Variants in SORCS2 observed in about 807,000 individuals in gnomAD.
SORCS2 encodes sortilin related VPS10 domain containing receptor 2, also known as VPS10 domain-containing receptor SorCS2.
SORCS2 carries 100 observed loss-of-function variants against 141.6 expected under a neutral mutation model. The observed-to-expected ratio is 0.71, with a 90% confidence interval of 0.60 to 0.83. The LOEUF (loss-of-function observed/expected upper bound fraction) is 0.83, where lower values mean the gene tolerates loss of function less well. SORCS2 is among the 40% of genes least tolerant of loss of function. The probability of loss-of-function intolerance (pLI) is 0.00; values close to 1 mark genes in which losing one functional copy is unlikely to be tolerated. For synonymous variants in SORCS2, 789 were observed against 676.9 expected (o/e 1.17, Z -2.57); for missense variants, 1,646 against 1,560.2 (o/e 1.05, Z -0.93).
chr4:7,555,866 G>T (rs1714066690), intron 3 of SORCS2, among the ~76,000 whole-genome samples: 1 of 152,234 alleles, frequency 6.6e-6, no homozygotes, highest in Non-Finnish European at 1.5e-5. Flanking sequence ...GTGACAGCAG[G>T]TGGCAGAGGC....
At chr4:7,432,434 A>G (rs1394225683) in intron 2 of SORCS2, 2 of 151,794 alleles carry the variant, frequency 1.3e-5, no homozygotes, top group Admixed American at 6.6e-5. Context: ...GGCAGGTATG[A>G]TCATCCCCAT....
chr4:7,435,207 T>C (rs1727220021), intron 2 of SORCS2, among the ~76,000 whole-genome samples: 1 of 151,988 alleles, frequency 6.6e-6, no homozygotes, highest in South Asian at 2.1e-4. Context: ...CCTGCTGCAG[T>C]AGTTCCTGGG....
chr4:7,497,426 C>A (rs1397820230), intron 2 of SORCS2, among the ~76,000 whole-genome samples: 1 of 150,808 alleles, frequency 6.6e-6, no homozygotes, highest in Non-Finnish European at 1.5e-5. Flanking sequence ...AAACCCACAC[C>A]CAGTGAAGGG....
intron 3 of SORCS2, among the ~76,000 whole-genome samples, chr4:7,558,297 C>T (rs1233814468): frequency 6.6e-6 from 1 of 152,174 alleles, no homozygotes; most frequent in Non-Finnish European, 1.5e-5. Context: ...ACAGAGCTGT[C>T]CTATGCATCG....
intron 3 of SORCS2, among the ~76,000 whole-genome samples, chr4:7,552,667 G>A (rs181771698): frequency 6.2e-4 from 95 of 152,304 alleles, no homozygotes; most frequent in African/African-American, 2.0e-3. Context: ...TGCCATGGCC[G>A]TGGCTGCCCT....
Position 7,192,850 on chromosome 4 carries a change from G to T in SORCS2, c.204G>T (p.Pro68=). ...CTCACGCCCAACTGACCCGGGTGCC[G>T]CGGAGCCCTCCCGCGGGGCGCGCGG... is the stretch of plus-strand genomic sequence containing the variant. The part of the protein sequence containing the change: ...LGPHAQLTRV[P]RSPPAGRAEP... The change falls in exon 1 of 27, where the codon CCG becomes CCT. Residue 68 remains proline, a synonymous_variant. Coordinates refer to ENST00000507866, the MANE Select transcript of SORCS2 (RefSeq NM_020777.3). This position sits in a 1 kb window ranked among gnomAD's most constrained non-coding sequence, Gnocchi z 4.0. 3 of 1,049,526 alleles carry T rather than the reference G, an allele frequency of 2.9e-6. No homozygotes were observed. The highest frequency in any genetic ancestry group is 3.4e-6 in the Non-Finnish European group (3 of 873,558). 65.0% of individuals were successfully genotyped at this position (1,049,526 alleles called of 1,614,324 possible).
chr4:7,386,244 G>A (rs10937812), intron 1 of SORCS2, among the ~76,000 whole-genome samples: 20,869 of 23,510 alleles, frequency 0.89, 9,422 homozygotes, highest in East Asian at 0.97. Context: ...ACATGCACAC[G>A]TGCACACACA....
chr4:7,609,344 T>C (rs1434271804), intron 3 of SORCS2, among the ~76,000 whole-genome samples: 2 of 152,208 alleles, frequency 1.3e-5, no homozygotes, highest in East Asian at 3.9e-4. Flanking sequence ...GCACCGTTTC[T>C]CTTCCTCATA....
intron 1 of SORCS2, among the ~76,000 whole-genome samples, chr4:7,310,934 A>G (rs1718142552): frequency 6.6e-6 from 1 of 152,244 alleles, no homozygotes; most frequent in African/African-American, 2.4e-5. Flanking sequence ...TTATTGAGGT[A>G]TAATAGAGAT....
intron 19 of SORCS2, among the ~76,000 whole-genome samples, chr4:7,724,166 G>GTGA (rs1553808183): frequency 2.0e-5 from 3 of 147,358 alleles, no homozygotes; most frequent in Non-Finnish European, 3.0e-5. Flanking sequence ...GGTGGTGATG[G>GTGA]TGGTGATGGT....
chr4:7,643,820 G>T (rs1399455045), intron 4 of SORCS2, among the ~76,000 whole-genome samples: 1 of 152,164 alleles, frequency 6.6e-6, no homozygotes, highest in Non-Finnish European at 1.5e-5. Flanking sequence ...GTTGGCTGCT[G>T]TGAATATCAG....
intron 19 of SORCS2, among the ~76,000 whole-genome samples, chr4:7,724,542 ATAG>A (rs1441731889): frequency 4.9e-5 from 5 of 102,014 alleles, no homozygotes; most frequent in African/African-American, 1.1e-4. Context: ...GGTGATGGTG[ATAG>A]TAGTGGTGGG....
At chr4:7,677,903 G>C (rs1723269828) in intron 9 of SORCS2, among the ~76,000 whole-genome samples, 1 of 152,094 alleles carries the variant, frequency 6.6e-6, no homozygotes, top group Non-Finnish European at 1.5e-5. Flanking sequence ...CTCTAGGAGG[G>C]GACTAGTTCC....
intron 2 of SORCS2, among the ~76,000 whole-genome samples, chr4:7,406,709 T>C (rs1724992102): frequency 6.6e-6 from 1 of 152,022 alleles, no homozygotes; most frequent in African/African-American, 2.4e-5. Context: ...CTGTATAGTT[T>C]GGTAGTCTCA....
At chr4:7,735,084 C>A (rs1459062622) in intron 25 of SORCS2, among the ~76,000 whole-genome samples, 3 of 152,244 alleles carry the variant, frequency 2.0e-5, no homozygotes, top group Non-Finnish European at 4.4e-5. Flanking sequence ...TCCCTGGACG[C>A]TAGACCTGGA....
At chr4:7,711,487 A>G (rs768927908) in intron 14 of SORCS2, among the ~76,000 whole-genome samples, 1 of 152,140 alleles carries the variant, frequency 6.6e-6, no homozygotes, top group Non-Finnish European at 1.5e-5. Flanking sequence ...GGCCTCTGGT[A>G]ATATGGCCGG....
chr4:7,381,660 A>G (rs535718096), intron 1 of SORCS2, among the ~76,000 whole-genome samples: 84 of 152,252 alleles, frequency 5.5e-4, no homozygotes, highest in African/African-American at 2.0e-3. Context: ...CTTTGAAACA[A>G]TTTCCCAGAA....
At chr4:7,680,185 G>T (rs1376416939) in intron 9 of SORCS2, among the ~76,000 whole-genome samples, 1 of 152,210 alleles carries the variant, frequency 6.6e-6, no homozygotes, top group South Asian at 2.1e-4. Flanking sequence ...GCAGCCATTT[G>T]CTGGGTGTGC....
At chr4:7,599,900 T>C (rs548536384) in intron 3 of SORCS2, among the ~76,000 whole-genome samples, 1 of 151,570 alleles carries the variant, frequency 6.6e-6, no homozygotes, top group South Asian at 2.1e-4. Context: ...ATCAGCTCAC[T>C]ACAGCCTCCG....
Sources: allele counts gnomAD v4.1 joint callset (sites outside exome capture counted in the v4.1 genomes callset), GRCh38; gene constraint gnomAD v4.1.1; non-coding constraint Gnocchi (gnomAD v3.1); transcripts MANE v1.5; gene names NCBI Gene and HGNC (gene_info 2026-07-23, HGNC 2026-07-21).